Variants in C8orf34 observed in about 807,000 individuals in gnomAD.
C8orf34 encodes the protein chromosome 8 open reading frame 34.
C8orf34 carries 65 observed loss-of-function variants against 68.3 expected under a neutral mutation model. The ratio of observed to expected loss-of-function variants is 0.95; its 90% CI spans 0.78 to 1.17. The LOEUF (loss-of-function observed/expected upper bound fraction) is 1.17, where lower values mean the gene tolerates loss of function less well. Among genes scored for constraint, C8orf34 ranks in the 50% most tolerant of loss-of-function variants. The probability of loss-of-function intolerance (pLI) is 0.00; values close to 1 mark genes in which losing one functional copy is unlikely to be tolerated. For missense variants in C8orf34, 664 were observed against 655.4 expected, an observed-to-expected ratio of 1.01 and a Z score of -0.14; for synonymous variants, 244 against 241.2, an observed-to-expected ratio of 1.01 and a Z score of -0.11.
intron 1 of C8orf34, chr8:68,438,954 C>G (rs1337748677): frequency 6.6e-6 from 1 of 152,120 alleles, no homozygotes; most frequent in Non-Finnish European, 1.5e-5. Flanking sequence ...TTTACAAAAA[C>G]AGAATTCGGT....
chr8:68,393,371 T>G (rs931167988), intron 1 of C8orf34, among the ~76,000 whole-genome samples: 1 of 151,928 alleles, frequency 6.6e-6, no homozygotes, highest in Non-Finnish European at 1.5e-5. Context: ...GCAAAAAAAA[T>G]AGAGGACATT....
intron 8 of C8orf34, among the ~76,000 whole-genome samples, chr8:68,665,580 G>A (rs1408885828): frequency 6.6e-6 from 1 of 151,964 alleles, no homozygotes. Flanking sequence ...CATTCTCCTC[G>A]TGGACCTGAC....
At chr8:68,331,835 G>A (rs539799705) in intron 1 of C8orf34, among the ~76,000 whole-genome samples, 56 of 97,164 alleles carry the variant, frequency 5.8e-4, no homozygotes, top group African/African-American at 2.1e-3. Flanking sequence ...AATAGAACCC[G>A]AAAAGGTGGA....
intron 7 of C8orf34, among the ~76,000 whole-genome samples, chr8:68,638,393 T>A (rs1468405033): frequency 1.3e-5 from 2 of 152,052 alleles, no homozygotes; most frequent in African/African-American, 4.8e-5. Context: ...AGAGATTTAT[T>A]CTCTAAAATT....
intron 7 of C8orf34, among the ~76,000 whole-genome samples, chr8:68,549,768 T>G (rs946888183): frequency 1.3e-5 from 2 of 151,756 alleles, no homozygotes; most frequent in African/African-American, 4.8e-5. Context: ...ATCTTGTGTA[T>G]TTTGATGCTT....
At chr8:68,740,004 A>G (rs370000741) in intron 10 of C8orf34, among the ~76,000 whole-genome samples, 1 of 152,302 alleles carries the variant, frequency 6.6e-6, no homozygotes, top group East Asian at 1.9e-4. Context: ...ACAATGGGGA[A>G]AAGACTTCCT....
intron 1 of C8orf34, among the ~76,000 whole-genome samples, chr8:68,379,375 C>G (rs1156327166): frequency 2.0e-5 from 3 of 152,176 alleles, no homozygotes; most frequent in African/African-American, 7.2e-5. Context: ...GATCTGTTTC[C>G]TTTCCCACAA....
intron 10 of C8orf34, among the ~76,000 whole-genome samples, chr8:68,774,579 G>T (rs1201259487): frequency 6.6e-6 from 1 of 151,700 alleles, no homozygotes; most frequent in Admixed American, 6.6e-5. Flanking sequence ...TTAATGTTTT[G>T]CCAGTGGAAA....
At chr8:68,574,246 C>T (rs535629139) in intron 7 of C8orf34, among the ~76,000 whole-genome samples, 1 of 151,968 alleles carries the variant, frequency 6.6e-6, no homozygotes, top group East Asian at 1.9e-4. Flanking sequence ...AATTCAAATA[C>T]TGAGAAAAAA....
chr8:68,554,536 C>T (rs1816191403), intron 7 of C8orf34, among the ~76,000 whole-genome samples: 1 of 152,078 alleles, frequency 6.6e-6, no homozygotes, highest in Non-Finnish European at 1.5e-5. Flanking sequence ...AGCTGCTATT[C>T]ATGGTCCTTA....
intron 10 of C8orf34, among the ~76,000 whole-genome samples, chr8:68,768,854 T>TA (rs1198926401): frequency 6.6e-6 from 1 of 151,978 alleles, no homozygotes; most frequent in African/African-American, 2.4e-5. Context: ...TTTGGCTTTC[T>TA]AGAGTTTTCT....
rs1563534685 is a variant in C8orf34, at chr8:68,567,575, A to ATT, written c.1105+34427_1105+34428insTT. On this transcript the variant is annotated intron_variant, in intron 7 of 13. Transcript: ENST00000518698. ...TATCTTTTCAAATTTTGTTTCATTTATCTTTTTTTTTTTTTTTTTTTTTTT... is the reference window on the plus strand; with the variant it reads ...TATCTTTTCAAATTTTGTTTCATTTATTTCTTTTTTTTTTTTTTTTTTTTTTT... 2.1e-4 allele frequency among the ~76,000 whole-genome samples: 7 copies of ATT among 33,042 alleles called. No homozygotes were observed. The East Asian group carries it at 3.8e-3, about 18-fold the overall frequency. The allele number at this position is 33,042 out of a possible 152,430, so 21.7% of individuals were successfully genotyped here.
At chr8:68,574,430 G>A (rs1219670796) in intron 7 of C8orf34, among the ~76,000 whole-genome samples, 1 of 151,888 alleles carries the variant, frequency 6.6e-6, no homozygotes, top group African/African-American at 2.4e-5. Flanking sequence ...CACAAAATTA[G>A]CATAAGATTA....
intron 4 of C8orf34, 80 bp downstream of exon 4, chr8:68,468,900 C>G: frequency 3.5e-6 from 5 of 1,417,530 alleles, no homozygotes; most frequent in Non-Finnish European, 4.8e-6. Context: ...GCCAATAACC[C>G]ATTTCTAACA....
chr8:68,366,507 G>T (rs1365396682), intron 1 of C8orf34, among the ~76,000 whole-genome samples: 3 of 149,438 alleles, frequency 2.0e-5, no homozygotes, highest in African/African-American at 7.5e-5. Flanking sequence ...TTACTACAAG[G>T]CTACAGTAAC....
chr8:68,463,677 T>C (rs200241106), intron 3 of C8orf34, among the ~76,000 whole-genome samples: 2 of 151,846 alleles, frequency 1.3e-5, no homozygotes, highest in Non-Finnish European at 2.9e-5. Context: ...ATAAACAGAA[T>C]CAAAGACAAA....
chr8:68,788,485 T>A (rs949918676), intron 12 of C8orf34, among the ~76,000 whole-genome samples: 3 of 152,160 alleles, frequency 2.0e-5, no homozygotes, highest in African/African-American at 7.2e-5. Context: ...TTCACTCAGC[T>A]GTCACATTCA....
chr8:68,763,755 C>A (rs1466829295), intron 10 of C8orf34, among the ~76,000 whole-genome samples: 1 of 152,158 alleles, frequency 6.6e-6, no homozygotes, highest in Non-Finnish European at 1.5e-5. Flanking sequence ...TTGTAATAAT[C>A]CTCATTCATT....
intron 9 of C8orf34, among the ~76,000 whole-genome samples, chr8:68,720,756 A>G (rs1356639513): frequency 6.6e-6 from 1 of 151,914 alleles, no homozygotes. Flanking sequence ...TTATAATGTC[A>G]GAAGACATAT....
Sources: gnomAD v4.1 joint callset for allele counts (sites outside exome capture counted in the v4.1 genomes callset) on GRCh38, gnomAD v4.1.1 for gene constraint, MANE v1.5 for transcripts, NCBI Gene and HGNC (gene_info 2026-07-23, HGNC 2026-07-21) for gene names.